HELB: variants seen among roughly 807,000 people sequenced by gnomAD.
HELB encodes DNA helicase B, also known as DNA 5'-3' helicase B.
In HELB, 96 loss-of-function variants were observed where a neutral mutation model predicts 101.7. That is an observed-to-expected ratio of 0.94 (90% CI 0.80 to 1.12). The LOEUF is 1.12. Among genes scored for constraint, HELB ranks in the 50% most tolerant of loss-of-function variants. The probability of loss-of-function intolerance (pLI) is 0.00; values close to 1 mark genes in which losing one functional copy is unlikely to be tolerated. For missense variants in HELB, 1,210 were observed against 1,291.9 expected, an observed-to-expected ratio of 0.94 and a Z score of 0.97; for synonymous variants, 437 against 459.7, an observed-to-expected ratio of 0.95 and a Z score of 0.63.
intron 10 of HELB, chr12:66,324,438 G>T: frequency 2.6e-6 from 1 of 387,542 alleles, no homozygotes; most frequent in Non-Finnish European, 4.6e-6. Flanking sequence ...AAAATGAGTT[G>T]GGAAGTGCTT....
intron 10 of HELB, 105 bp from the exon 11 acceptor site, chr12:66,324,878 A>G (rs751345766): frequency 2.2e-6 from 3 of 1,387,082 alleles, no homozygotes; most frequent in Non-Finnish European, 3.1e-6. Flanking sequence ...TGGTAATTGT[A>G]ATTCTTATAT....
intron 11 of HELB, among the ~76,000 whole-genome samples, chr12:66,329,041 GA>G (rs1648434795): frequency 6.6e-6 from 1 of 152,254 alleles, no homozygotes; most frequent in Non-Finnish European, 1.5e-5. Flanking sequence ...TTGAGTTGTA[GA>G]ACCAATTTAT....
At chr12:66,312,820 C>G (rs1288810950) in intron 4 of HELB, among the ~76,000 whole-genome samples, 2 of 152,272 alleles carry the variant, frequency 1.3e-5, no homozygotes, top group Middle Eastern at 6.8e-3. Flanking sequence ...AAGTTTGTAT[C>G]AAATAATTCA....
downstream of HELB, chr12:66,341,930 T>G (rs1030682366): frequency 6.6e-6 from 1 of 152,250 alleles, no homozygotes; most frequent in Non-Finnish European, 1.5e-5. Context: ...TAAACCTCTT[T>G]TCTTTATAAA....
intron 11 of HELB, 103 bp from the exon 12 acceptor site, chr12:66,331,051 A>T: frequency 7.7e-7 from 1 of 1,296,174 alleles, no homozygotes; most frequent in Non-Finnish European, 1.1e-6. Context: ...GGCCAGGTAG[A>T]AGTGCTTGAG....
rs537581265 is a variant in HELB at position 66,336,397 on chromosome 12, A to G, written c.3163-1604A>G. ...GGGTAATGGATTTTGTGTTAAAAAG[A>G]AAAAAAAAGGTGGGATTATAAGTAA... On this transcript the variant is annotated intron_variant, in intron 12 of 12. Coordinates refer to ENST00000247815, the MANE Select transcript of HELB (RefSeq NM_001370285.1). Among the ~76,000 whole-genome samples, 54 of 151,744 alleles carry G rather than the reference A, an allele frequency of 3.6e-4. No individual in the cohort carries two copies. In the South Asian group the frequency reaches 0.01, roughly 29 times the overall value.
chr12:66,322,042 T>G lies in HELB; in HGVS notation c.2237+13T>G. The G allele has an allele frequency of 1.0e-6, 1 of 967,378 alleles. No individual in the cohort carries two copies. Among genetic ancestry groups the G allele is most frequent in the Non-Finnish European group, 1.6e-6 (1 of 637,390 alleles). 59.9% of individuals were successfully genotyped at this position (967,378 alleles called of 1,614,324 possible). On this transcript the variant is annotated intron_variant, in intron 8 of 12. Transcript: ENST00000247815. ...TTGCATTTAGAAGGTAAAGCATTTA[T>G]AATATTTTAATGTTTTTAATCTAGC...
At chr12:66,327,034 T>C (rs1432224619) in intron 11 of HELB, among the ~76,000 whole-genome samples, 14 of 26,138 alleles carry the variant, frequency 5.4e-4, no homozygotes, top group African/African-American at 2.1e-3. Context: ...AGACTTCATC[T>C]CAAAAAAAAA....
At chr12:66,323,920 G>A in intron 9 of HELB, 63 bp from the exon 10 acceptor site, 1 of 1,083,082 alleles carries the variant, frequency 9.2e-7, no homozygotes, top group Admixed American at 1.8e-5. Flanking sequence ...AGTAGTTAAT[G>A]TTTGAACAAG....
At chr12:66,325,808 G>A (rs181414010) in intron 11 of HELB, among the ~76,000 whole-genome samples, 1 of 152,168 alleles carries the variant, frequency 6.6e-6, no homozygotes, top group African/African-American at 2.4e-5. Context: ...TATAAAGTTG[G>A]TTGAGTTTTG....
intron 11 of HELB, among the ~76,000 whole-genome samples, chr12:66,327,089 A>G (rs2137010884): frequency 7.7e-6 from 1 of 130,274 alleles, no homozygotes. Context: ...ATATGTTTAT[A>G]TAGAAAGGAT....
chr12:66,321,615 T>C (rs1592641357), intron 7 of HELB: 1 of 254,352 alleles, frequency 3.9e-6, no homozygotes, highest in East Asian at 1.3e-4. Context: ...GTCATGCTGT[T>C]ACACACTTTG....
intron 11 of HELB, among the ~76,000 whole-genome samples, chr12:66,326,198 T>A (rs1243551166): frequency 6.6e-6 from 1 of 152,148 alleles, no homozygotes; most frequent in African/African-American, 2.4e-5. Flanking sequence ...TGTTTTGAGC[T>A]TCCTTCTCTG....
chr12:66,320,098 C>T (rs2053653859), intron 7 of HELB, among the ~76,000 whole-genome samples: 1 of 151,736 alleles, frequency 6.6e-6, no homozygotes, highest in Non-Finnish European at 1.5e-5. Flanking sequence ...TACAAAGAAT[C>T]AAGTAAACTT....
At chr12:66,324,951 G>C in intron 10 of HELB, 32 bp from the exon 11 acceptor site, 1 of 1,609,774 alleles carries the variant, frequency 6.2e-7, no homozygotes, top group Non-Finnish European at 8.5e-7. Flanking sequence ...ATATTTGAAG[G>C]TATGCAAAAT....
intron 7 of HELB, among the ~76,000 whole-genome samples, 198 bp downstream of exon 7, chr12:66,318,990 T>C (rs556187564): frequency 6.6e-6 from 1 of 152,308 alleles, no homozygotes; most frequent in African/African-American, 2.4e-5. Context: ...AGTAAGCTCT[T>C]GACACATAAA....
At chr12:66,337,451 T>C (rs1369405815) in intron 12 of HELB, among the ~76,000 whole-genome samples, 1 of 152,186 alleles carries the variant, frequency 6.6e-6, no homozygotes, top group Non-Finnish European at 1.5e-5. Flanking sequence ...CTTACTCTTT[T>C]CATTTCTTTA....
intron 12 of HELB, 126 bp downstream of exon 12, chr12:66,331,771 C>A (rs1013992912): frequency 6.0e-5 from 57 of 945,984 alleles, no homozygotes; most frequent in Non-Finnish European, 5.8e-5. Context: ...AATTGTTTTT[C>A]TCATTTCTGT....
In HELB at chr12:66,310,384, A is replaced by G. The variant is rs1309273966; in HGVS notation, c.1456A>G (p.Ser486Gly). Residue 486 changes from serine to glycine, a missense_variant, in exon 4 of 13, where the codon AGC (serine) becomes GGC (glycine). Physicochemically the swap from Ser to Gly is moderately conservative, Grantham distance 56. Coordinates refer to ENST00000247815, the MANE Select transcript of HELB (RefSeq NM_001370285.1). Reference sequence around the variant, plus strand: ...TGGATGTGGGAAGACCACAATCGTTAGCCGTCTTTTTAAGCATATAGAGCA... The same window carrying G: ...TGGATGTGGGAAGACCACAATCGTTGGCCGTCTTTTTAAGCATATAGAGCA... ...KGGCGKTTIV[S>G]RLFKHIEQLE... is the part of the protein sequence containing the mutation. 1 of 1,614,214 alleles carries G rather than the reference A, an allele frequency of 6.2e-7. No homozygotes were observed. Among genetic ancestry groups the G allele is most frequent in the Non-Finnish European group, 8.5e-7 (1 of 1,180,036 alleles).
Sources: gnomAD v4.1 joint callset for allele counts (sites outside exome capture counted in the v4.1 genomes callset) on GRCh38, gnomAD v4.1.1 for gene constraint, MANE v1.5 for transcripts, NCBI Gene and HGNC (gene_info 2026-07-23, HGNC 2026-07-21) for gene names.